Variants in SAV1 observed in about 807,000 individuals in gnomAD.
SAV1 encodes salvador family WW domain containing protein 1.
A neutral mutation model predicts 47.3 loss-of-function variants in SAV1; 23 were observed. The observed-to-expected ratio is 0.49, with a 90% CI of 0.35 to 0.69. The LOEUF is 0.69. Ranked by LOEUF, SAV1 falls within the 30% of genes least tolerant of loss-of-function variation. The pLI, the probability that SAV1 is intolerant of heterozygous loss-of-function variation, is 0.01. For synonymous variants in SAV1, 155 were observed against 159.2 expected (o/e 0.97, Z 0.20); for missense variants, 448 against 457.4 (o/e 0.98, Z 0.19).
chr14:50,642,308 C>T (rs2039686835), intron 3 of SAV1, among the ~76,000 whole-genome samples: 2 of 151,804 alleles, frequency 1.3e-5, no homozygotes, highest in Admixed American at 1.3e-4. Context: ...GGCCAACATG[C>T]AGAAACCCCG....
At chr14:50,645,340 G>A (rs2039713206) in intron 2 of SAV1, among the ~76,000 whole-genome samples, 1 of 151,978 alleles carries the variant, frequency 6.6e-6, no homozygotes, top group Admixed American at 6.6e-5. Context: ...CCAAAACTTC[G>A]AGAGCTGACA....
chr14:50,635,488 TAAAC>T, intron 4 of SAV1, 104 bp from the exon 5 acceptor site: 2 of 883,620 alleles, frequency 2.3e-6, no homozygotes, highest in Non-Finnish European at 3.5e-6. Flanking sequence ...TATTTATAAC[TAAAC>T]AAACCATAAG....
chr14:50,637,578 T>C (rs1422234189), intron 4 of SAV1: 2 of 151,580 alleles, frequency 1.3e-5, no homozygotes, highest in South Asian at 2.1e-4. Context: ...GTAAATATTA[T>C]ACTTATTTTT....
intron 2 of SAV1, among the ~76,000 whole-genome samples, chr14:50,650,730 C>T (rs1012751074): frequency 5.3e-5 from 8 of 152,088 alleles, no homozygotes; most frequent in East Asian, 1.9e-4. Context: ...AACTTAGAAG[C>T]GGATCTTTTG....
At chr14:50,653,502 C>T (rs1377086995) in intron 2 of SAV1, among the ~76,000 whole-genome samples, 1 of 152,142 alleles carries the variant, frequency 6.6e-6, no homozygotes, top group Non-Finnish European at 1.5e-5. Flanking sequence ...AGGTTTGGTT[C>T]CAGATTACTG....
Position 50,668,010 on chromosome 14 carries a change from G to A in SAV1, c.-43C>T, listed in dbSNP as rs1177749188. On this transcript the variant is annotated 5_prime_UTR_variant, in exon 1 of 5. Coordinates refer to ENST00000324679, the MANE Select transcript of SAV1 (RefSeq NM_021818.4). The stretch of plus-strand genomic sequence containing the variant: ...GAGGCCGCGCTGAACTGCCTCCCTA[G>A]GGCTCCGCGCCGGGCGCCGGCCGTC... The A allele has an allele frequency of 8.1e-6, 12 of 1,476,258 alleles. No individual in the cohort carries two copies. Among genetic ancestry groups the A allele is most frequent in the South Asian group, 7.9e-5 (6 of 75,720 alleles). 91.4% of individuals were successfully genotyped at this position (1,476,258 alleles called of 1,614,324 possible). A position where few individuals can be genotyped will look rare whatever the true frequency, so the allele number is the denominator to read the frequency against.
intron 2 of SAV1, among the ~76,000 whole-genome samples, chr14:50,653,675 C>G (rs940590379): frequency 6.6e-6 from 1 of 152,094 alleles, no homozygotes; most frequent in African/African-American, 2.4e-5. Flanking sequence ...TCGAGACCAT[C>G]CTGGCCAACA....
rs374389240 is a variant in SAV1 at position 50,640,802 on chromosome 14, G to A, written c.898C>T (p.His300Tyr). 1.1e-4 allele frequency: 176 copies of A among 1,613,864 alleles called. No individual in the cohort carries two copies. Among genetic ancestry groups the A allele is most frequent in the Non-Finnish European group, 1.4e-4 (169 of 1,179,940 alleles). Residue 300 changes from histidine to tyrosine, a missense_variant, in exon 4 of 5, where the codon CAT becomes TAT. Physicochemically the swap from His to Tyr is moderately conservative, Grantham distance 83. Coordinates refer to ENST00000324679, the MANE Select transcript of SAV1 (RefSeq NM_021818.4). ...AGCCAGTCAGGAATTTCTGCAGTAT[G>A]ATATGGATTTGCAGGTACCAGAAGG... ...QSLLVPANPYHTAEIPDWLQV... is the reference protein window; with the variant it reads ...QSLLVPANPYYTAEIPDWLQV...
At chr14:50,638,252 T>C (rs2039652658) in intron 4 of SAV1, among the ~76,000 whole-genome samples, 1 of 152,222 alleles carries the variant, frequency 6.6e-6, no homozygotes, top group Non-Finnish European at 1.5e-5. Flanking sequence ...CCTTCTTAAC[T>C]AGCCAAGAAA....
chr14:50,656,494 G>A (rs1284913618), intron 2 of SAV1, among the ~76,000 whole-genome samples: 1 of 145,930 alleles, frequency 6.9e-6, no homozygotes, highest in Non-Finnish European at 1.5e-5. Context: ...CCAGGTTGGA[G>A]TGCGGTGGCG....
chr14:50,642,369 A>G (rs1351723212), intron 3 of SAV1, among the ~76,000 whole-genome samples: 2 of 152,064 alleles, frequency 1.3e-5, no homozygotes, highest in Admixed American at 1.3e-4. Context: ...CATGCCTGTA[A>G]TCCCAGCTAC....
intron 2 of SAV1, among the ~76,000 whole-genome samples, chr14:50,658,855 ATTCAGATTT>A (rs950050446): frequency 4.1e-4 from 63 of 152,250 alleles, no homozygotes; most frequent in African/African-American, 1.5e-3. Flanking sequence ...ACTGTCTCAT[ATTCAGATTT>A]TTCCCTTGTG....
chr14:50,665,132 C>T (rs2039889775), intron 2 of SAV1, 47 bp downstream of exon 2: 2 of 1,457,286 alleles, frequency 1.4e-6, no homozygotes, highest in Admixed American at 2.4e-5. Flanking sequence ...TTTTAATTGA[C>T]ATGTCAATAA....
chr14:50,638,759 A>C lies in SAV1; in HGVS notation c.950+1991T>G, dbSNP rs1339463423. On this transcript the variant is annotated intron_variant, in intron 4 of 4. Transcript: ENST00000324679. The stretch of plus-strand genomic sequence containing the variant: ...GACAATGTTTTTGCTGTCAAAGATT[A>C]AATTTTATTTTATTATATTTTATTT... 2.0e-5 allele frequency among the ~76,000 whole-genome samples: 3 copies of C among 152,130 alleles called. No homozygotes were observed. In the East Asian group the frequency reaches 5.8e-4, roughly 29 times the overall value.
chr14:50,663,639 C>T (rs2039877778), intron 2 of SAV1, among the ~76,000 whole-genome samples: 1 of 152,152 alleles, frequency 6.6e-6, no homozygotes, highest in Non-Finnish European at 1.5e-5. Flanking sequence ...GATCTGCTTT[C>T]TCCTAAACTC....
intron 2 of SAV1, among the ~76,000 whole-genome samples, chr14:50,645,809 T>C (rs1181188083): frequency 2.0e-5 from 3 of 152,152 alleles, no homozygotes; most frequent in African/African-American, 7.2e-5. Flanking sequence ...TGCCCTAGAA[T>C]TATTAAGTAA....
At chr14:50,666,321 G>A (rs182907847) in intron 1 of SAV1, among the ~76,000 whole-genome samples, 1 of 152,098 alleles carries the variant, frequency 6.6e-6, no homozygotes, top group Non-Finnish European at 1.5e-5. Context: ...GTAGATAATA[G>A]AACAACAGCT....
intron 2 of SAV1, among the ~76,000 whole-genome samples, chr14:50,647,391 C>T (rs868727554): frequency 1.3e-5 from 2 of 152,056 alleles, no homozygotes; most frequent in Admixed American, 6.6e-5. Context: ...CAAAACTCAA[C>T]ATTAAGAAAA....
rs114784325 is a variant in SAV1, at chr14:50,647,505, A to G, written c.536-2491T>C. On this transcript the variant is annotated intron_variant, in intron 2 of 4. Coordinates refer to ENST00000324679, the MANE Select transcript of SAV1 (RefSeq NM_021818.4). ...CAAGATTTCAGGTCTGTAGCACACT[A>G]TCATCATGCCTGTGAACAGCTACGG... is the stretch of plus-strand genomic sequence containing the variant. 5.5e-3 allele frequency among the ~76,000 whole-genome samples: 835 copies of G among 152,238 alleles called. 5 individuals are homozygous for G. The highest frequency in any genetic ancestry group is 0.019 in the African/African-American group (806 of 41,530).
Sources: allele counts gnomAD v4.1 joint callset (sites outside exome capture counted in the v4.1 genomes callset), GRCh38; gene constraint gnomAD v4.1.1; transcripts MANE v1.5; gene names NCBI Gene and HGNC (gene_info 2026-07-23, HGNC 2026-07-21).